The following ARL15 variants were observed in gnomAD, a reference collection of about 807,000 sequenced individuals.
The protein encoded by ARL15 is ADP-ribosylation factor-like protein 15.
Under a neutral mutation model 25.2 loss-of-function variants are expected in ARL15, and 19 were observed. That is an observed-to-expected ratio of 0.75 (90% CI 0.53 to 1.10). The LOEUF (loss-of-function observed/expected upper bound fraction) is 1.10. Among genes scored for constraint, ARL15 ranks in the 50% least tolerant of loss-of-function variants. The probability of loss-of-function intolerance (pLI) is 0.00; values close to 1 mark genes in which losing one functional copy is unlikely to be tolerated. For missense variants in ARL15, 220 were observed against 246.0 expected, an observed-to-expected ratio of 0.89 and a Z score of 0.71; for synonymous variants, 94 against 86.8, an observed-to-expected ratio of 1.08 and a Z score of -0.46.
intron 4 of ARL15, among the ~76,000 whole-genome samples, chr5:54,053,915 G>T (rs1347865878): frequency 6.6e-6 from 1 of 152,136 alleles, no homozygotes; most frequent in Non-Finnish European, 1.5e-5. Context: ...TTAGTTATAA[G>T]CAATGTATCA....
At chr5:54,145,494 G>A (rs1030049247) in intron 3 of ARL15, among the ~76,000 whole-genome samples, 5 of 152,090 alleles carry the variant, frequency 3.3e-5, no homozygotes, top group Admixed American at 2.6e-4. Flanking sequence ...AACAGTTGTC[G>A]AGTTGCCATT....
intron 4 of ARL15, among the ~76,000 whole-genome samples, chr5:54,052,336 A>G (rs1363879895): frequency 2.0e-5 from 3 of 152,198 alleles, no homozygotes; most frequent in Non-Finnish European, 4.4e-5. Context: ...ATCTAAATAT[A>G]TTATAAATAA....
chr5:54,092,301 G>T (rs1752153262), intron 4 of ARL15, among the ~76,000 whole-genome samples: 1 of 152,016 alleles, frequency 6.6e-6, no homozygotes, highest in South Asian at 2.1e-4. Flanking sequence ...TTATTCTAAA[G>T]AGTACATTTT....
chr5:54,036,512 G>A (rs750443167), intron 4 of ARL15, among the ~76,000 whole-genome samples: 43 of 151,992 alleles, frequency 2.8e-4, no homozygotes, highest in Non-Finnish European at 5.4e-4. Context: ...TGATAAAAAC[G>A]CTGAGGGTAT....
intron 4 of ARL15, among the ~76,000 whole-genome samples, chr5:53,913,754 C>T (rs1561146787): frequency 6.6e-6 from 1 of 152,092 alleles, no homozygotes; most frequent in Non-Finnish European, 1.5e-5. Flanking sequence ...GTGCTTAAGA[C>T]CCAATTCAAA....
intron 1 of ARL15, among the ~76,000 whole-genome samples, chr5:54,291,516 G>A (rs1257996470): frequency 6.6e-6 from 1 of 151,852 alleles, no homozygotes; most frequent in African/African-American, 2.4e-5. Context: ...GCAGTTCATT[G>A]AATCTGCAGA....
At chr5:54,085,939 C>T (rs56264681) in intron 4 of ARL15, among the ~76,000 whole-genome samples, 2,560 of 148,450 alleles carry the variant, frequency 0.017, 27 homozygotes, top group Middle Eastern at 0.031. Context: ...TTTTAGATGG[C>T]GTTTCACTCT....
At chr5:53,973,970 T>TAA (rs565810545) in intron 4 of ARL15, among the ~76,000 whole-genome samples, 1 of 149,598 alleles carries the variant, frequency 6.7e-6, no homozygotes, top group African/African-American at 2.5e-5. Flanking sequence ...GCCCTGTCAT[T>TAA]AAAAAAAAAC....
chr5:54,221,866 C>CAT (rs1252656089), intron 1 of ARL15, among the ~76,000 whole-genome samples: 1 of 138,418 alleles, frequency 7.2e-6, no homozygotes, highest in Non-Finnish European at 1.6e-5. Context: ...CACACACACA[C>CAT]ACACAAAACC....
rs149716621 is a variant in ARL15, at chr5:54,287,099, C to G, written c.48+23333G>C. The stretch of plus-strand genomic sequence containing the variant: ...CTCACTATGTTGGCCAGGTTGGTCT[C>G]AAACTCCTGGGCTCCAGTGATCCTC... On this transcript the variant is annotated intron_variant, in intron 1 of 4. Transcript: ENST00000504924. 5.6e-4 allele frequency among the ~76,000 whole-genome samples: 85 copies of G among 152,074 alleles called. 1 individual carries two copies. The East Asian group carries it at 0.016, about 28-fold the overall frequency.
chr5:54,095,481 A>G (rs1275590053), intron 4 of ARL15, among the ~76,000 whole-genome samples: 4 of 152,126 alleles, frequency 2.6e-5, no homozygotes, highest in Non-Finnish European at 4.4e-5. Context: ...CACGTGAATG[A>G]ATGGAGGTTG....
chr5:53,965,776 A>C (rs1254995958), intron 4 of ARL15, among the ~76,000 whole-genome samples: 2 of 152,134 alleles, frequency 1.3e-5, no homozygotes, highest in African/African-American at 4.8e-5. Flanking sequence ...GGGTTTGGCA[A>C]GCACACAACC....
chr5:53,887,424 G>A (rs960134944), intron 4 of ARL15: 7 of 696,826 alleles, frequency 1.0e-5, no homozygotes, highest in Non-Finnish European at 1.6e-5. Context: ...GGTATGTGCT[G>A]AAAAACCTGT....
At chr5:54,204,288 T>C (rs2112490290) in intron 1 of ARL15, among the ~76,000 whole-genome samples, 1 of 152,276 alleles carries the variant, frequency 6.6e-6, no homozygotes, top group Middle Eastern at 3.4e-3. Context: ...CATATAACTA[T>C]TATCTACGCC....
intron 1 of ARL15, among the ~76,000 whole-genome samples, chr5:54,233,269 C>A (rs1461651428): frequency 6.6e-6 from 1 of 152,194 alleles, no homozygotes; most frequent in Non-Finnish European, 1.5e-5. Context: ...CTTCTCTTTT[C>A]ATGGAACACC....
intron 2 of ARL15, among the ~76,000 whole-genome samples, chr5:54,171,259 T>C (rs1401689702): frequency 6.6e-6 from 1 of 152,106 alleles, no homozygotes; most frequent in African/African-American, 2.4e-5. Flanking sequence ...AGAGGCATAA[T>C]CTCCCCTGAT....
At chr5:54,015,975 C>G (rs1300174235) in intron 4 of ARL15, among the ~76,000 whole-genome samples, 1 of 152,182 alleles carries the variant, frequency 6.6e-6, no homozygotes, top group Non-Finnish European at 1.5e-5. Flanking sequence ...CAGCTCCATT[C>G]CTCACCCTCC....
intron 1 of ARL15, among the ~76,000 whole-genome samples, chr5:54,246,105 G>A (rs1757080176): frequency 6.6e-6 from 1 of 150,834 alleles, no homozygotes; most frequent in Non-Finnish European, 1.5e-5. Flanking sequence ...AATATTAGGT[G>A]TGTCCTAGAA....
At chr5:54,303,049 T>C (rs189059838) in intron 1 of ARL15, among the ~76,000 whole-genome samples, 1 of 152,300 alleles carries the variant, frequency 6.6e-6, no homozygotes, top group Non-Finnish European at 1.5e-5. Flanking sequence ...CCTAACAAGC[T>C]TTCCTTCTCT....
Sources: allele counts gnomAD v4.1 joint callset (sites outside exome capture counted in the v4.1 genomes callset), GRCh38; gene constraint gnomAD v4.1.1; transcripts MANE v1.5; gene names NCBI Gene and HGNC (gene_info 2026-07-23, HGNC 2026-07-21).